Variants in THSD7B observed in about 807,000 individuals in gnomAD.
THSD7B encodes thrombospondin type-1 domain-containing protein 7B.
THSD7B carries 138 observed loss-of-function variants against 213.6 expected under a neutral mutation model. That is an observed-to-expected ratio of 0.65 (90% confidence interval 0.56 to 0.74). THSD7B has a LOEUF of 0.74. Among genes scored for constraint, THSD7B ranks in the 30% least tolerant of loss-of-function variants. THSD7B has a pLI of 0.00. For synonymous variants in THSD7B, 742 were observed against 687.0 expected (o/e 1.08, Z -1.25); for missense variants, 1,931 against 1,991.5 (o/e 0.97, Z 0.58).
At chr2:137,080,630 G>A (rs1687729348) in intron 3 of THSD7B, among the ~76,000 whole-genome samples, 1 of 151,852 alleles carries the variant, frequency 6.6e-6, no homozygotes, top group Admixed American at 6.6e-5. Flanking sequence ...AGTGCTGTTT[G>A]TTATGTCAGT....
chr2:136,818,731 G>T (rs1017580072), intron 1 of THSD7B, among the ~76,000 whole-genome samples: 4 of 152,052 alleles, frequency 2.6e-5, no homozygotes, highest in African/African-American at 4.8e-5. Flanking sequence ...TAACATGAGT[G>T]TTAAGGCCAA....
At chr2:137,543,006 A>T (rs1363701879) in intron 15 of THSD7B, among the ~76,000 whole-genome samples, 1 of 151,776 alleles carries the variant, frequency 6.6e-6, no homozygotes, top group Non-Finnish European at 1.5e-5. Context: ...GATCTCACAG[A>T]GCTAAAGTCA....
chr2:137,147,478 A>AT (rs397704368), intron 5 of THSD7B, among the ~76,000 whole-genome samples: 2 of 150,600 alleles, frequency 1.3e-5, no homozygotes, highest in Non-Finnish European at 3.0e-5. Context: ...AAAAAAAAAA[A>AT]GGCACATATT....
At chr2:136,996,831 T>C (rs1420503388) in intron 2 of THSD7B, among the ~76,000 whole-genome samples, 3 of 152,212 alleles carry the variant, frequency 2.0e-5, no homozygotes, top group Non-Finnish European at 4.4e-5. Context: ...GAGCTGTCCT[T>C]TAATTTTACT....
intron 4 of THSD7B, among the ~76,000 whole-genome samples, chr2:137,096,444 C>T (rs1041554059): frequency 6.6e-6 from 1 of 152,184 alleles, no homozygotes; most frequent in Non-Finnish European, 1.5e-5. Context: ...TAGCCACTCA[C>T]ATCCCCACTT....
chr2:137,648,379 C>G (rs1486486909), intron 21 of THSD7B, among the ~76,000 whole-genome samples: 1 of 143,208 alleles, frequency 7.0e-6, no homozygotes, highest in African/African-American at 2.7e-5. Flanking sequence ...TCATCTCCCC[C>G]CCTCACCCCT....
intron 3 of THSD7B, among the ~76,000 whole-genome samples, chr2:137,080,250 G>A (rs1687717743): frequency 1.3e-5 from 2 of 151,846 alleles, no homozygotes; most frequent in South Asian, 2.1e-4. Context: ...ACCCAGGCTG[G>A]GGTGCAGTGG....
chr2:137,186,466 C>T (rs888593710), intron 7 of THSD7B, among the ~76,000 whole-genome samples: 1 of 150,580 alleles, frequency 6.6e-6, no homozygotes, highest in African/African-American at 2.5e-5. Context: ...ATCCCAGCAC[C>T]ATTTATGGAA....
chr2:137,599,242 C>T (rs1682029256), intron 17 of THSD7B, among the ~76,000 whole-genome samples: 1 of 151,606 alleles, frequency 6.6e-6, no homozygotes, highest in Admixed American at 6.6e-5. Flanking sequence ...CATAGTATTC[C>T]ATGGTGTATA....
At position 137,650,026 on chromosome 2, in the gene THSD7B, G is replaced by A. The variant is rs142383994; in HGVS notation, c.3946-5475G>A. ...CTAAGGTGGGAAGATGGCTTGAGTC[G>A]GAGAGGTCGAGGCTGTAATGAGTCC... On this transcript the variant is annotated intron_variant, in intron 21 of 27. Coordinates refer to ENST00000409968, the MANE Select transcript of THSD7B (RefSeq NM_001316349.2). Among the ~76,000 whole-genome samples, 427 of 152,132 alleles carry A rather than the reference G, an allele frequency of 2.8e-3. 5 individuals are homozygous for A. Among genetic ancestry groups the A allele is most frequent in the African/African-American group, 9.6e-3 (400 of 41,514 alleles).
intron 1 of THSD7B, among the ~76,000 whole-genome samples, chr2:136,773,653 A>G (rs1681549202): frequency 6.7e-6 from 1 of 150,132 alleles, no homozygotes; most frequent in African/African-American, 2.4e-5. Context: ...CCATGTTTCA[A>G]GTGCTCAGTA....
chr2:136,829,705 G>C (rs1682717581), intron 1 of THSD7B, among the ~76,000 whole-genome samples: 1 of 152,176 alleles, frequency 6.6e-6, no homozygotes, highest in Admixed American at 6.5e-5. Context: ...TAGGGACAGG[G>C]AAAGCCATGA....
intron 16 of THSD7B, among the ~76,000 whole-genome samples, chr2:137,570,849 C>T (rs1681340259): frequency 1.3e-5 from 2 of 152,124 alleles, no homozygotes; most frequent in Non-Finnish European, 2.9e-5. Context: ...AGCAAGCTAT[C>T]AAAAATATTG....
chr2:137,448,716 G>A (rs985688344), intron 14 of THSD7B, among the ~76,000 whole-genome samples: 2 of 151,968 alleles, frequency 1.3e-5, no homozygotes, highest in Admixed American at 6.6e-5. Context: ...GGAGAATGGC[G>A]TGAACCCGGG....
chr2:137,137,844 G>A (rs1323064180), intron 5 of THSD7B, among the ~76,000 whole-genome samples: 3 of 151,774 alleles, frequency 2.0e-5, no homozygotes, highest in Non-Finnish European at 2.9e-5. Context: ...TTTTCTTCTT[G>A]AAGGGCATCA....
At chr2:137,294,247 C>T (rs572619408) in intron 12 of THSD7B, among the ~76,000 whole-genome samples, 5 of 152,016 alleles carry the variant, frequency 3.3e-5, no homozygotes, top group African/African-American at 9.6e-5. Flanking sequence ...GTTTTGTTTT[C>T]GATAATTTCA....
intron 7 of THSD7B, among the ~76,000 whole-genome samples, chr2:137,203,565 A>T (rs1335741077): frequency 6.6e-6 from 1 of 152,020 alleles, no homozygotes; most frequent in African/African-American, 2.4e-5. Context: ...GTGAGAGAAG[A>T]GATAAGGAAA....
intron 3 of THSD7B, among the ~76,000 whole-genome samples, chr2:137,059,104 G>C (rs1687223308): frequency 6.6e-6 from 1 of 152,176 alleles, no homozygotes; most frequent in Admixed American, 6.5e-5. Flanking sequence ...TTTAGTTCGT[G>C]ATGAAGGTTG....
At chr2:137,331,308 T>A (rs1477726416) in intron 12 of THSD7B, among the ~76,000 whole-genome samples, 1 of 151,688 alleles carries the variant, frequency 6.6e-6, no homozygotes, top group Non-Finnish European at 1.5e-5. Context: ...AGACACAGGG[T>A]GCTGATTGGT....
Sources: gnomAD v4.1 joint callset for allele counts (sites outside exome capture counted in the v4.1 genomes callset) on GRCh38, gnomAD v4.1.1 for gene constraint, MANE v1.5 for transcripts, NCBI Gene and HGNC (gene_info 2026-07-23, HGNC 2026-07-21) for gene names.